The following MALT1 variants were observed in gnomAD, a reference collection of about 807,000 sequenced individuals.
The protein encoded by MALT1 is mucosa-associated lymphoid tissue lymphoma translocation protein 1.
A neutral mutation model predicts 85.5 loss-of-function variants in MALT1; 36 were observed. The observed-to-expected ratio is 0.42, with a 90% confidence interval of 0.32 to 0.56. The LOEUF (loss-of-function observed/expected upper bound fraction) is 0.56. MALT1 is among the 20% of genes least tolerant of loss of function. The probability of loss-of-function intolerance (pLI) is 0.10; values close to 1 mark genes in which losing one functional copy is unlikely to be tolerated. For missense variants in MALT1, 716 were observed against 981.6 expected (o/e 0.73, Z 3.62); for synonymous variants, 359 against 361.3 (o/e 0.99, Z 0.07).
intron 4 of MALT1, among the ~76,000 whole-genome samples, chr18:58,707,315 T>C (rs1248662712): frequency 6.6e-6 from 1 of 152,036 alleles, no homozygotes; most frequent in Non-Finnish European, 1.5e-5. Flanking sequence ...AATGTGAGTC[T>C]CTATCTGATA....
chr18:58,694,690 TA>T (rs2054562149), intron 2 of MALT1, among the ~76,000 whole-genome samples: 1 of 152,240 alleles, frequency 6.6e-6, no homozygotes, highest in Non-Finnish European at 1.5e-5. Flanking sequence ...AACAACTGTT[TA>T]TTATCTCACA....
intron 16 of MALT1, 89 bp downstream of exon 16, chr18:58,745,880 A>C (rs1192844290): frequency 1.1e-4 from 130 of 1,203,368 alleles, no homozygotes; most frequent in Non-Finnish European, 1.5e-4. Flanking sequence ...ATGCTGCCTT[A>C]TTATTAAAGT....
intron 2 of MALT1, among the ~76,000 whole-genome samples, chr18:58,684,251 A>C (rs185375544): frequency 3.3e-5 from 5 of 151,660 alleles, no homozygotes; most frequent in Admixed American, 2.0e-4. Context: ...CCACTTGTGC[A>C]CTGTTTCTGT....
At chr18:58,716,148 T>C (rs2054896650) in intron 9 of MALT1, among the ~76,000 whole-genome samples, 181 bp downstream of exon 9, 1 of 152,204 alleles carries the variant, frequency 6.6e-6, no homozygotes, top group Admixed American at 6.5e-5. Context: ...GATTACAAAT[T>C]CAGTTTCTAG....
chr18:58,747,820 G>A lies in MALT1; in HGVS notation c.2453G>A (p.Arg818Lys). 2 of 1,612,104 alleles carry A rather than the reference G, an allele frequency of 1.2e-6. No homozygotes were observed. The highest frequency in any genetic ancestry group is 1.3e-5 in the African/African-American group (1 of 74,972). ...TDEIPFSFSD[R>K]LRISEK is the part of the protein sequence containing the mutation. ...GAAATACCATTTAGTTTCTCTGACA[G>A]GCTCAGAATTTCTGAAAAATGACCT... Residue 818 changes from arginine to lysine, a missense_variant, in exon 17 of 17, where the codon AGG becomes AAG. Physicochemically the swap from Arg to Lys is conservative, Grantham distance 26 (BLOSUM62 2). Around this residue, in one of 4 missense-constraint regions of MALT1, gnomAD observed 260 missense variants for 323.7 expected, o/e 0.80. Coordinates refer to ENST00000649217, the MANE Select transcript of MALT1 (RefSeq NM_006785.4).
chr18:58,693,265 A>G (rs1050699629), intron 2 of MALT1, among the ~76,000 whole-genome samples: 2 of 152,144 alleles, frequency 1.3e-5, no homozygotes, highest in Non-Finnish European at 2.9e-5. Context: ...TGCAAAAAAT[A>G]CAAAAAATTA....
At chr18:58,685,189 A>G (rs2054383422) in intron 2 of MALT1, among the ~76,000 whole-genome samples, 1 of 152,172 alleles carries the variant, frequency 6.6e-6, no homozygotes, top group Admixed American at 6.5e-5. Context: ...CATTGGTACT[A>G]TTTCATAGGA....
chr18:58,731,640 CTGT>C (rs1321371342), intron 10 of MALT1, among the ~76,000 whole-genome samples: 2 of 152,204 alleles, frequency 1.3e-5, no homozygotes, highest in Non-Finnish European at 2.9e-5. Flanking sequence ...AGACCATCCC[CTGT>C]TGTTTCACTT....
At position 58,751,341 on chromosome 18, in the gene MALT1, A is replaced by G. The variant is rs1447607396; in HGVS notation, c.*3499A>G. The stretch of plus-strand genomic sequence containing the variant: ...GCACACACCTGTAATCCCAGCTACT[A>G]GGGAGGCTGAGGCAGGAGAATCGTA... On this transcript the variant is annotated 3_prime_UTR_variant, in exon 17 of 17. Transcript: ENST00000649217. 2 of 151,974 alleles carry G rather than the reference A, an allele frequency of 1.3e-5. No homozygotes were observed. The highest frequency in any genetic ancestry group is 6.6e-5 in the Admixed American group (1 of 15,236). The allele number at this position is 151,974 out of a possible 1,614,324, so 9.4% of individuals were successfully genotyped here.
At chr18:58,733,843 T>G in intron 11 of MALT1, 1 of 1,188,580 alleles carries the variant, frequency 8.4e-7, no homozygotes, top group Non-Finnish European at 1.1e-6. Context: ...CCAGAATGCC[T>G]TTAGATGACT....
At chr18:58,681,408 C>T in intron 2 of MALT1, 72 bp downstream of exon 2, 1 of 1,409,236 alleles carries the variant, frequency 7.1e-7, no homozygotes, top group South Asian at 1.4e-5. Flanking sequence ...TCTCTTTTGA[C>T]CAGGTGAACT....
chr18:58,692,967 G>A (rs1196904233), intron 2 of MALT1, among the ~76,000 whole-genome samples: 4 of 152,162 alleles, frequency 2.6e-5, no homozygotes, highest in Admixed American at 6.5e-5. Context: ...GCCCTAACTC[G>A]CCTCATTTCT....
intron 9 of MALT1, among the ~76,000 whole-genome samples, chr18:58,717,725 G>A (rs1485145953): frequency 3.0e-5 from 4 of 135,548 alleles, no homozygotes; most frequent in African/African-American, 8.5e-5. Flanking sequence ...CAGCCTGGGC[G>A]ACAGAGTAAG....
intron 1 of MALT1, among the ~76,000 whole-genome samples, chr18:58,673,833 C>G (rs1490531583): frequency 2.0e-5 from 3 of 152,054 alleles, no homozygotes; most frequent in African/African-American, 7.2e-5. Flanking sequence ...GGGATTATTG[C>G]TTGTGCAAAG....
At position 58,671,483 on chromosome 18, in the gene MALT1, C is replaced by T; in HGVS notation, c.-161C>T. The T allele has an allele frequency of 2.3e-6, 1 of 425,998 alleles. No individual in the cohort carries two copies. The highest frequency in any genetic ancestry group is 3.8e-6 in the Non-Finnish European group (1 of 261,422). 26.4% of individuals were successfully genotyped at this position (425,998 alleles called of 1,614,324 possible). On this transcript the variant is annotated 5_prime_UTR_variant, in exon 1 of 17. Transcript: ENST00000649217. ...CCTCGGCAAACCTGTCTAATTGGGG[C>T]GGGGAGCGGAGCTTCCTCCTCTGAG...
chr18:58,707,332 G>T (rs2054766152), intron 4 of MALT1, among the ~76,000 whole-genome samples: 1 of 151,146 alleles, frequency 6.6e-6, no homozygotes, highest in Non-Finnish European at 1.5e-5. Flanking sequence ...GATAATTCCA[G>T]AATGTAGGTC....
intron 9 of MALT1, among the ~76,000 whole-genome samples, chr18:58,721,258 A>G (rs1266920931): frequency 6.6e-6 from 1 of 152,146 alleles, no homozygotes; most frequent in African/African-American, 2.4e-5. Context: ...GCATGCCTGT[A>G]ATCCCAGCTA....
intron 2 of MALT1, among the ~76,000 whole-genome samples, chr18:58,692,583 G>A (rs369848399): frequency 6.6e-5 from 10 of 151,942 alleles, no homozygotes; most frequent in African/African-American, 2.4e-4. Flanking sequence ...AAGTGTTCAA[G>A]TGAAAGAACA....
intron 1 of MALT1, among the ~76,000 whole-genome samples, chr18:58,678,923 A>G (rs1157618342): frequency 2.0e-5 from 3 of 152,240 alleles, no homozygotes; most frequent in African/African-American, 7.2e-5. Flanking sequence ...TCAAATTGGC[A>G]GGAAAAGGAG....
Sources: gnomAD v4.1 joint callset for allele counts (sites outside exome capture counted in the v4.1 genomes callset) on GRCh38, gnomAD v4.1.1 for gene constraint, gnomAD v4.1.1 regional missense constraint, MANE v1.5 for transcripts, NCBI Gene and HGNC (gene_info 2026-07-23, HGNC 2026-07-21) for gene names.